GABRG3: variants seen among roughly 807,000 people sequenced by gnomAD.
GABRG3 encodes the protein gamma-aminobutyric acid type A receptor subunit gamma3.
GABRG3 carries 25 observed loss-of-function variants against 48.8 expected under a neutral mutation model. That is an observed-to-expected ratio of 0.51 (90% CI 0.37 to 0.72). The LOEUF is 0.72. Among genes scored for constraint, GABRG3 ranks in the 30% least tolerant of loss-of-function variants. GABRG3 has a pLI of 0.00. For missense variants in GABRG3, 394 were observed against 577.9 expected, an observed-to-expected ratio of 0.68 and a Z score of 3.26; for synonymous variants, 227 against 217.6, an observed-to-expected ratio of 1.04 and a Z score of -0.38.
At chr15:27,378,933 T>A (rs1595714621) in intron 5 of GABRG3, among the ~76,000 whole-genome samples, 1 of 126,452 alleles carries the variant, frequency 7.9e-6, no homozygotes, top group East Asian at 2.3e-4. Context: ...AAAGAACAAA[T>A]CATGTTGTAT....
intron 5 of GABRG3, chr15:27,350,467 AT>A: frequency 3.3e-6 from 1 of 307,382 alleles, no homozygotes; most frequent in African/African-American, 2.2e-5. Flanking sequence ...CACATTCAGT[AT>A]AAGCAGAAGC....
In GABRG3 at chr15:27,535,436, T is replaced by G. The variant is rs973164185; in HGVS notation, c.*2555T>G. On this transcript the variant is annotated 3_prime_UTR_variant, in exon 10 of 10. Transcript: ENST00000615808. ...ATGTAGGATAAATACACCAATAACC[T>G]CAGTTTTCTGAATCCAGCCATTCTC... 9 of 152,312 alleles carry G rather than the reference T, an allele frequency of 5.9e-5. No individual in the cohort carries two copies. Among genetic ancestry groups the G allele is most frequent in the African/African-American group, 1.9e-4 (8 of 41,564 alleles). The allele number at this position is 152,312 out of a possible 1,614,324, so 9.4% of individuals were successfully genotyped here.
intron 3 of GABRG3, among the ~76,000 whole-genome samples, chr15:27,037,229 G>A (rs754013838): frequency 1.3e-5 from 2 of 152,166 alleles, no homozygotes; most frequent in Non-Finnish European, 2.9e-5. Flanking sequence ...TGTGAGCCCC[G>A]GGCAGTGGTG....
intron 3 of GABRG3, among the ~76,000 whole-genome samples, chr15:27,034,490 A>C (rs1396374288): frequency 3.9e-5 from 6 of 152,244 alleles, no homozygotes; most frequent in Admixed American, 3.9e-4. Flanking sequence ...CACTAATAAC[A>C]ATAGGAACAA....
At chr15:27,087,264 C>T (rs1046373924) in intron 3 of GABRG3, among the ~76,000 whole-genome samples, 2 of 152,204 alleles carry the variant, frequency 1.3e-5, no homozygotes, top group African/African-American at 4.8e-5. Flanking sequence ...GAGCCTTGAC[C>T]TCTGGGGACT....
At chr15:27,397,025 C>T (rs1297594336) in intron 5 of GABRG3, among the ~76,000 whole-genome samples, 1 of 152,064 alleles carries the variant, frequency 6.6e-6, no homozygotes, top group Non-Finnish European at 1.5e-5. Context: ...GAACACAAGA[C>T]TATGCATTTG....
At chr15:27,227,187 A>T (rs1324639137) in intron 3 of GABRG3, among the ~76,000 whole-genome samples, 2 of 152,210 alleles carry the variant, frequency 1.3e-5, no homozygotes, top group East Asian at 1.9e-4. Flanking sequence ...TACACAATTA[A>T]TTAAGAAATA....
intron 3 of GABRG3, among the ~76,000 whole-genome samples, chr15:27,227,626 C>T (rs1289464838): frequency 6.6e-6 from 1 of 152,026 alleles, no homozygotes; most frequent in African/African-American, 2.4e-5. Flanking sequence ...GTTCAAGACT[C>T]CAGTGAGCTG....
intron 5 of GABRG3, among the ~76,000 whole-genome samples, chr15:27,401,217 G>A (rs1887465870): frequency 1.3e-5 from 2 of 152,152 alleles, no homozygotes; most frequent in South Asian, 4.1e-4. Flanking sequence ...TTTATTTAAT[G>A]CATCAGCAGA....
At chr15:27,183,598 C>T (rs1202332500) in intron 3 of GABRG3, among the ~76,000 whole-genome samples, 1 of 152,190 alleles carries the variant, frequency 6.6e-6, no homozygotes, top group East Asian at 1.9e-4. Flanking sequence ...TTATATTCTT[C>T]TTCGAATTAT....
intron 3 of GABRG3, among the ~76,000 whole-genome samples, chr15:27,031,830 G>A (rs986959410): frequency 6.6e-6 from 1 of 152,164 alleles, no homozygotes; most frequent in African/African-American, 2.4e-5. Context: ...CTCTTTTGGA[G>A]TCATCTAAGC....
chr15:27,078,691 C>G (rs914146225), intron 3 of GABRG3, among the ~76,000 whole-genome samples: 39 of 152,242 alleles, frequency 2.6e-4, no homozygotes, highest in African/African-American at 8.9e-4. Context: ...CTTCTTGATT[C>G]CTTTGTTTTC....
intron 3 of GABRG3, among the ~76,000 whole-genome samples, chr15:27,184,907 G>T (rs374398741): frequency 5.6e-4 from 85 of 152,096 alleles, no homozygotes; most frequent in Non-Finnish European, 1.6e-4. Context: ...CTGATATTTG[G>T]CAATTTGCGT....
At chr15:27,432,920 G>A (rs2140624653) in intron 5 of GABRG3, among the ~76,000 whole-genome samples, 2 of 152,254 alleles carry the variant, frequency 1.3e-5, no homozygotes, top group African/African-American at 4.8e-5. Flanking sequence ...TAAGCTTCCT[G>A]CCACTGTACA....
At chr15:27,481,119 A>C (rs1890091832) in intron 6 of GABRG3, 4 of 1,094,236 alleles carry the variant, frequency 3.7e-6, no homozygotes, top group South Asian at 8.6e-5. Context: ...CGTACATAAG[A>C]AGAATCAAAT....
chr15:27,270,275 G>A (rs562530813), intron 3 of GABRG3, among the ~76,000 whole-genome samples: 1 of 152,274 alleles, frequency 6.6e-6, no homozygotes, highest in South Asian at 2.1e-4. Flanking sequence ...AAGAGGAGGT[G>A]TGTAGATGTC....
chr15:27,049,581 G>A (rs1046004434), intron 3 of GABRG3, among the ~76,000 whole-genome samples: 21 of 152,100 alleles, frequency 1.4e-4, no homozygotes, highest in African/African-American at 5.1e-4. Flanking sequence ...AGGCAAACCC[G>A]GGCTCAAATG....
intron 6 of GABRG3, among the ~76,000 whole-genome samples, chr15:27,498,683 G>A (rs572308389): frequency 4.6e-5 from 7 of 151,966 alleles, no homozygotes; most frequent in African/African-American, 1.4e-4. Context: ...GTAGAGACAG[G>A]GTTTCACCGT....
intron 6 of GABRG3, among the ~76,000 whole-genome samples, chr15:27,507,672 A>C (rs1046100196): frequency 9.2e-5 from 14 of 152,128 alleles, no homozygotes; most frequent in Non-Finnish European, 2.1e-4. Flanking sequence ...AAATAATGTC[A>C]AACTGGTTGA....
Sources: allele counts gnomAD v4.1 joint callset (sites outside exome capture counted in the v4.1 genomes callset), GRCh38; gene constraint gnomAD v4.1.1; transcripts MANE v1.5; gene names NCBI Gene and HGNC (gene_info 2026-07-23, HGNC 2026-07-21).